Variants in HEATR3 observed in about 807,000 individuals in gnomAD.
HEATR3 encodes the protein HEAT repeat-containing protein 3.
A neutral mutation model predicts 72.8 loss-of-function variants in HEATR3; 56 were observed. The observed-to-expected ratio is 0.77, with a 90% CI of 0.62 to 0.96. The LOEUF is 0.96. HEATR3 is among the 40% of genes least tolerant of loss of function. The pLI is 0.00. For missense variants in HEATR3, 747 were observed against 831.4 expected (o/e 0.90, Z 1.25); for synonymous variants, 331 against 318.1 (o/e 1.04, Z -0.43).
intron 7 of HEATR3, 129 bp from the exon 8 acceptor site, chr16:50,083,808 C>T: frequency 1.4e-6 from 1 of 699,208 alleles, no homozygotes; most frequent in Non-Finnish European, 2.4e-6. Context: ...TTTCTTTTAC[C>T]TACCCCATTC....
At chr16:50,102,230 T>C in intron 13 of HEATR3, 29 bp from the exon 14 acceptor site, 1 of 1,593,766 alleles carries the variant, frequency 6.3e-7, no homozygotes, top group Non-Finnish European at 8.6e-7. Flanking sequence ...CTGGTGTTAG[T>C]CATACTAAAT....
intron 11 of HEATR3, 24 bp downstream of exon 11, chr16:50,086,375 A>G (rs553095391): frequency 1.9e-6 from 3 of 1,595,086 alleles, no homozygotes; most frequent in East Asian, 2.2e-5. Flanking sequence ...ATTGCGAAAG[A>G]CTACGCAGAC....
chr16:50,068,390 T>G (rs1450242634), intron 2 of HEATR3, among the ~76,000 whole-genome samples: 1 of 152,190 alleles, frequency 6.6e-6, no homozygotes, highest in Non-Finnish European at 1.5e-5. Context: ...TCCTCCCACC[T>G]AGGCCTCTCA....
rs148249795 is a variant in HEATR3 at position 50,101,338 on chromosome 16, A to T, written c.1744-921A>T. On this transcript the variant is annotated intron_variant, in intron 13 of 14. Coordinates refer to ENST00000299192, the MANE Select transcript of HEATR3 (RefSeq NM_182922.4). ...GCCATGTTGGCCAAGCTGGTCTTGA[A>T]CTCCTGGGCTCAAGCGATCTACCTA... Among the ~76,000 whole-genome samples, 158 of 151,540 alleles carry T rather than the reference A, an allele frequency of 1.0e-3. 2 individuals carry two copies. The East Asian group carries it at 0.026, about 25-fold the overall frequency.
At chr16:50,092,588 C>T (rs1014962769) in intron 11 of HEATR3, among the ~76,000 whole-genome samples, 7 of 151,682 alleles carry the variant, frequency 4.6e-5, no homozygotes, top group African/African-American at 1.7e-4. Context: ...AGGCGCCCGC[C>T]ACCACGCCTG....
chr16:50,102,471 G>T (rs1245351086), intron 14 of HEATR3, 36 bp downstream of exon 14: 38 of 1,585,562 alleles, frequency 2.4e-5, no homozygotes, highest in Non-Finnish European at 3.2e-5. Context: ...ACATAAGTCT[G>T]AACATTCTGT....
Position 50,093,813 on chromosome 16 carries a change from G to A in HEATR3, c.1511-892G>A, listed in dbSNP as rs972167548. On this transcript the variant is annotated intron_variant, in intron 11 of 14. Transcript: ENST00000299192. ...TGGCTGGGTTCCCAGGGCGGAAGTC[G>A]AGAGAAAAAAGAGCATGCACACATG... Among the ~76,000 whole-genome samples, 28 of 152,250 alleles carry A rather than the reference G, an allele frequency of 1.8e-4. 1 individual carries two copies. The highest frequency in any genetic ancestry group is 1.1e-3 in the Admixed American group (17 of 15,280).
rs766427593 is a variant in HEATR3, at chr16:50,100,347, G to C, written c.1717G>C (p.Glu573Gln). The part of the protein sequence containing the change: ...LGITGSVLAK[E>Q]DGTLETLKNI... ...AATCACTGGCAGCGTCCTTGCCAAA[G>C]AAGATGGTACACTTGAAACTCTTAA... Residue 573 changes from glutamate to glutamine, a missense_variant, in exon 13 of 15, where the codon GAA becomes CAA. Glu to Gln is a conservative substitution (Grantham distance 29, BLOSUM62 2). Transcript: ENST00000299192. The C allele has an allele frequency of 6.2e-7, 1 of 1,614,072 alleles. No individual in the cohort carries two copies. Among genetic ancestry groups the C allele is most frequent in the East Asian group, 2.2e-5 (1 of 44,872 alleles).
chr16:50,102,132 T>C (rs1299732120), intron 13 of HEATR3, 127 bp from the exon 14 acceptor site: 10 of 688,290 alleles, frequency 1.5e-5, no homozygotes, highest in Non-Finnish European at 2.5e-5. Flanking sequence ...GTCTAATCTC[T>C]TGAAGTTTTA....
intron 11 of HEATR3, among the ~76,000 whole-genome samples, chr16:50,088,648 C>T (rs1467385592): frequency 3.3e-5 from 5 of 152,162 alleles, no homozygotes; most frequent in Non-Finnish European, 7.4e-5. Flanking sequence ...GGGGACTTTC[C>T]CCAACTTTTG....
At chr16:50,076,216 G>C (rs1329665878) in intron 6 of HEATR3, among the ~76,000 whole-genome samples, 1 of 150,384 alleles carries the variant, frequency 6.6e-6, no homozygotes, top group Admixed American at 6.6e-5. Flanking sequence ...TTATTGTTTT[G>C]AGATGGAGTC....
At chr16:50,077,601 T>G (rs2036765931) in intron 6 of HEATR3, among the ~76,000 whole-genome samples, 1 of 152,184 alleles carries the variant, frequency 6.6e-6, no homozygotes, top group African/African-American at 2.4e-5. Flanking sequence ...CCCCAGCTGC[T>G]GTCAGCCACC....
chr16:50,101,021 T>C (rs892013662), intron 13 of HEATR3, among the ~76,000 whole-genome samples: 6 of 152,164 alleles, frequency 3.9e-5, no homozygotes, highest in African/African-American at 1.4e-4. Flanking sequence ...CTCATTATTA[T>C]AAAGTACCTC....
intron 5 of HEATR3, 53 bp downstream of exon 5, chr16:50,072,767 A>G (rs983102111): frequency 1.2e-5 from 13 of 1,089,940 alleles, no homozygotes; most frequent in Non-Finnish European, 1.8e-5. Context: ...TTATTCAAAA[A>G]TTTTTATGCA....
chr16:50,086,373 A>G, intron 11 of HEATR3, 22 bp downstream of exon 11: 2 of 1,594,950 alleles, frequency 1.3e-6, no homozygotes, highest in Non-Finnish European at 1.7e-6. Context: ...TTATTGCGAA[A>G]GACTACGCAG....
chr16:50,097,581 A>G (rs188356978), intron 12 of HEATR3, among the ~76,000 whole-genome samples: 1 of 152,042 alleles, frequency 6.6e-6, no homozygotes, highest in East Asian at 1.9e-4. Context: ...GCTTCCAGGC[A>G]TAGGATGTCC....
chr16:50,096,413 G>T (rs111733494), intron 12 of HEATR3, among the ~76,000 whole-genome samples: 608 of 151,162 alleles, frequency 4.0e-3, no homozygotes, highest in Non-Finnish European at 7.0e-3. Context: ...AGGTTCATGT[G>T]TTGCTTTTGG....
In HEATR3 at chr16:50,093,662, C is replaced by T. The variant is rs149521792; in HGVS notation, c.1511-1043C>T. ...AGTCTAGGGCCTCTGCTGGAAGACT[C>T]GCAGAGTATGGGCTGGAATCATCCG... On this transcript the variant is annotated intron_variant, in intron 11 of 14. Coordinates refer to ENST00000299192, the MANE Select transcript of HEATR3 (RefSeq NM_182922.4). 8.5e-3 allele frequency among the ~76,000 whole-genome samples: 1,300 copies of T among 152,220 alleles called. 13 individuals are homozygous for T. The highest frequency in any genetic ancestry group is 0.019 in the Admixed American group (286 of 15,278).
At chr16:50,075,087 C>G (rs1469168102) in intron 5 of HEATR3, 1 of 152,118 alleles carries the variant, frequency 6.6e-6, no homozygotes, top group Non-Finnish European at 1.5e-5. Context: ...AGGGCCGAAA[C>G]GGACAGATCA....
Sources: gnomAD v4.1 joint callset for allele counts (sites outside exome capture counted in the v4.1 genomes callset) on GRCh38, gnomAD v4.1.1 for gene constraint, MANE v1.5 for transcripts, NCBI Gene and HGNC (gene_info 2026-07-23, HGNC 2026-07-21) for gene names.